Variants in PDZD2 observed in about 807,000 individuals in gnomAD.
PDZD2 encodes the protein PDZ domain-containing protein 2.
PDZD2 carries 90 observed loss-of-function variants against 220.7 expected under a neutral mutation model. The ratio of observed to expected loss-of-function variants is 0.41; its 90% CI spans 0.34 to 0.49. The LOEUF (loss-of-function observed/expected upper bound fraction) is 0.49, where lower values mean the gene tolerates loss of function less well. PDZD2 is among the 20% of genes least tolerant of loss of function. The probability of loss-of-function intolerance (pLI) is 0.28; values close to 1 mark genes in which losing one functional copy is unlikely to be tolerated. For missense variants in PDZD2, 3,174 were observed against 3,608.5 expected (o/e 0.88, Z 3.08); for synonymous variants, 1,375 against 1,450.5 (o/e 0.95, Z 1.18).
chr5:32,018,213 C>T (rs1581288090), intron 6 of PDZD2, among the ~76,000 whole-genome samples: 1 of 152,218 alleles, frequency 6.6e-6, no homozygotes, highest in Non-Finnish European at 1.5e-5. Context: ...GGAGAGGCCT[C>T]CTTGGCAGGT....
chr5:32,009,746 A>G (rs1214433369), intron 5 of PDZD2, among the ~76,000 whole-genome samples: 1 of 151,532 alleles, frequency 6.6e-6, no homozygotes, highest in Non-Finnish European at 1.5e-5. Flanking sequence ...AAAAAAAATG[A>G]TTGTTTTATA....
chr5:31,751,211 G>A (rs6879909), intron 1 of PDZD2, among the ~76,000 whole-genome samples: 2,323 of 149,702 alleles, frequency 0.016, 58 homozygotes, highest in African/African-American at 0.054. Flanking sequence ...ATTGCACTCC[G>A]GCCTGGGTGA....
intron 2 of PDZD2, among the ~76,000 whole-genome samples, chr5:31,802,692 G>A (rs562773952): frequency 1.3e-5 from 2 of 152,180 alleles, no homozygotes; most frequent in Admixed American, 6.5e-5. Context: ...AGGCCGAGGC[G>A]GGCAGATCAC....
chr5:31,982,269 CT>C (rs1449720067), intron 2 of PDZD2, among the ~76,000 whole-genome samples: 1 of 152,250 alleles, frequency 6.6e-6, no homozygotes, highest in East Asian at 1.9e-4. Context: ...ACACAGTGTA[CT>C]GTTGCCACCA....
chr5:31,807,832 C>G (rs908908184), intron 2 of PDZD2, among the ~76,000 whole-genome samples: 8 of 152,072 alleles, frequency 5.3e-5, no homozygotes, highest in African/African-American at 1.9e-4. Flanking sequence ...GGCGACAGGC[C>G]AATTGGTACG....
intron 1 of PDZD2, among the ~76,000 whole-genome samples, chr5:31,652,570 A>T (rs561911366): frequency 6.6e-6 from 1 of 152,330 alleles, no homozygotes; most frequent in South Asian, 2.1e-4. Flanking sequence ...TATTTAGCAC[A>T]TGCCACATAG....
intron 1 of PDZD2, among the ~76,000 whole-genome samples, chr5:31,771,805 T>C (rs1018497412): frequency 2.6e-5 from 4 of 152,218 alleles, no homozygotes; most frequent in Non-Finnish European, 5.9e-5. Flanking sequence ...ATGTAGTTAG[T>C]GGGCAGGCCT....
At chr5:31,944,204 G>A (rs1176091600) in intron 2 of PDZD2, among the ~76,000 whole-genome samples, 1 of 152,108 alleles carries the variant, frequency 6.6e-6, no homozygotes, top group African/African-American at 2.4e-5. Flanking sequence ...ACTTTACCAG[G>A]TAGCCAGAGA....
At chr5:31,759,028 T>A (rs1295422319) in intron 1 of PDZD2, among the ~76,000 whole-genome samples, 1 of 152,034 alleles carries the variant, frequency 6.6e-6, no homozygotes, top group Non-Finnish European at 1.5e-5. Context: ...GGATGAGCCA[T>A]TAGCTCTGCC....
chr5:31,686,411 C>A (rs1746865007), intron 1 of PDZD2, among the ~76,000 whole-genome samples: 1 of 151,582 alleles, frequency 6.6e-6, no homozygotes, highest in South Asian at 2.1e-4. Context: ...GTTGCCCAGG[C>A]TGGAGGGCAA....
rs1234757314 is a variant in PDZD2 at position 31,926,492 on chromosome 5, C to T, written c.477-56663C>T. Among the ~76,000 whole-genome samples the T allele has an allele frequency of 2.1e-5, 3 of 139,828 alleles. No individual in the cohort carries two copies. In the East Asian group the frequency reaches 6.2e-4, roughly 29 times the overall value. 91.7% of individuals were successfully genotyped at this position (139,828 alleles called of 152,430 possible). On this transcript the variant is annotated intron_variant, in intron 2 of 24. Coordinates refer to ENST00000438447, the MANE Select transcript of PDZD2 (RefSeq NM_178140.4). ...AGTGAGCCGAGATGGCACCACTGCA[C>T]TCCAGCCTGGGCAACAAGGTAGAAA...
intron 2 of PDZD2, among the ~76,000 whole-genome samples, chr5:31,875,515 G>T (rs2150328958): frequency 6.7e-6 from 1 of 148,848 alleles, no homozygotes. Context: ...GAACCTGGGA[G>T]GTGGAGGTTG....
intron 2 of PDZD2, among the ~76,000 whole-genome samples, chr5:31,866,030 G>T (rs1286236937): frequency 7.1e-6 from 1 of 141,832 alleles, no homozygotes; most frequent in Non-Finnish European, 1.5e-5. Context: ...TTGAGATAGG[G>T]TCTCACTGTT....
At chr5:31,870,612 G>A (rs1268636407) in intron 2 of PDZD2, among the ~76,000 whole-genome samples, 1 of 152,186 alleles carries the variant, frequency 6.6e-6, no homozygotes, top group East Asian at 1.9e-4. Flanking sequence ...AGTTGGCCAG[G>A]CGTGGTGGCT....
At chr5:31,853,266 G>A (rs1330020672) in intron 2 of PDZD2, among the ~76,000 whole-genome samples, 1 of 152,166 alleles carries the variant, frequency 6.6e-6, no homozygotes, top group Non-Finnish European at 1.5e-5. Flanking sequence ...CAGGAATTGC[G>A]ATGTTTGGAG....
At chr5:31,643,825 T>A (rs183596320) in intron 1 of PDZD2, among the ~76,000 whole-genome samples, 1 of 149,556 alleles carries the variant, frequency 6.7e-6, no homozygotes, top group African/African-American at 2.4e-5. Context: ...AAAATGTGAA[T>A]AATTTTTTTT....
chr5:32,065,192 C>T (rs566032773), intron 14 of PDZD2, among the ~76,000 whole-genome samples: 1 of 150,914 alleles, frequency 6.6e-6, no homozygotes, highest in Non-Finnish European at 1.5e-5. Context: ...CTAGCTACTC[C>T]AGTGCTGAGG....
intron 2 of PDZD2, among the ~76,000 whole-genome samples, chr5:31,859,195 C>T (rs945880734): frequency 6.6e-6 from 1 of 152,120 alleles, no homozygotes; most frequent in African/African-American, 2.4e-5. Context: ...CTTAAAAAAA[C>T]ATAGCCTTCA....
intron 1 of PDZD2, among the ~76,000 whole-genome samples, chr5:31,719,236 T>C (rs1748637301): frequency 6.6e-6 from 1 of 152,158 alleles, no homozygotes; most frequent in Admixed American, 6.5e-5. Flanking sequence ...TGTTGAGTCA[T>C]TGGATTCCAC....
Sources: allele counts gnomAD v4.1 joint callset (sites outside exome capture counted in the v4.1 genomes callset), GRCh38; gene constraint gnomAD v4.1.1; transcripts MANE v1.5; gene names NCBI Gene and HGNC (gene_info 2026-07-23, HGNC 2026-07-21).